Variants in MSRA observed in about 807,000 individuals in gnomAD.
MSRA encodes methionine sulfoxide reductase A, also known as mitochondrial peptide methionine sulfoxide reductase.
In MSRA, 54 loss-of-function variants were observed where a neutral mutation model predicts 31.3. The observed-to-expected ratio is 1.73, with a 90% CI of 1.39 to 2.17. MSRA has a LOEUF of 2.17. Among genes scored for constraint, MSRA ranks in the 30% most tolerant of loss-of-function variants. The probability of loss-of-function intolerance (pLI) is 0.00; values close to 1 mark genes in which losing one functional copy is unlikely to be tolerated. For missense variants in MSRA, 507 were observed against 300.9 expected, an observed-to-expected ratio of 1.69 and a Z score of -5.07; for synonymous variants, 169 against 116.5, an observed-to-expected ratio of 1.45 and a Z score of -2.90.
chr8:10,161,230 A>G (rs954812725), intron 1 of MSRA, among the ~76,000 whole-genome samples: 1 of 152,316 alleles, frequency 6.6e-6, no homozygotes, highest in South Asian at 2.1e-4. Context: ...TCCTCAGAGC[A>G]TTGCTGAGAA....
intron 1 of MSRA, among the ~76,000 whole-genome samples, chr8:10,114,748 A>G (rs1046319812): frequency 1.3e-5 from 2 of 152,210 alleles, no homozygotes; most frequent in Admixed American, 6.5e-5. Context: ...AAAATTTACT[A>G]AAGGGAAGAA....
chr8:10,203,639 A>G (rs971012527), intron 1 of MSRA, among the ~76,000 whole-genome samples: 10 of 152,266 alleles, frequency 6.6e-5, no homozygotes, highest in Non-Finnish European at 1.2e-4. Flanking sequence ...TGTATAGTAC[A>G]TAATAGTTGA....
intron 1 of MSRA, among the ~76,000 whole-genome samples, chr8:10,076,448 A>G (rs536671118): frequency 1.4e-4 from 22 of 152,340 alleles, no homozygotes; most frequent in African/African-American, 5.3e-4. Context: ...GGGTCCACCT[A>G]TGAAGCAGGA....
At chr8:10,121,669 C>T (rs569774332) in intron 1 of MSRA, among the ~76,000 whole-genome samples, 13 of 151,976 alleles carry the variant, frequency 8.6e-5, no homozygotes, top group Admixed American at 3.3e-4. Context: ...TACTCCCTCT[C>T]CCTCTCTCTT....
At chr8:10,370,441 C>G (rs368621638) in intron 5 of MSRA, among the ~76,000 whole-genome samples, 3 of 152,216 alleles carry the variant, frequency 2.0e-5, no homozygotes, top group South Asian at 2.1e-4. Context: ...GACCCAGTGC[C>G]TGAGGCTTCC....
chr8:10,297,865 G>A (rs1289831502), intron 3 of MSRA, among the ~76,000 whole-genome samples: 2 of 152,180 alleles, frequency 1.3e-5, no homozygotes, highest in Non-Finnish European at 2.9e-5. Flanking sequence ...TGTCATGAAA[G>A]AAGAGCCTAA....
chr8:10,099,956 A>T (rs1335976534), intron 1 of MSRA, among the ~76,000 whole-genome samples: 1 of 152,146 alleles, frequency 6.6e-6, no homozygotes, highest in African/African-American at 2.4e-5. Context: ...CAGTGAGTTT[A>T]AAGTGTTTCT....
intron 1 of MSRA, among the ~76,000 whole-genome samples, chr8:10,070,979 G>A (rs1797704598): frequency 6.6e-6 from 1 of 152,184 alleles, no homozygotes. Flanking sequence ...AGGTTTTTGT[G>A]TGAACATAAG....
chr8:10,229,949 G>T (rs1378298963), intron 2 of MSRA, among the ~76,000 whole-genome samples: 1 of 152,174 alleles, frequency 6.6e-6, no homozygotes, highest in East Asian at 1.9e-4. Context: ...CAATGGATGG[G>T]CTGAATTCTC....
At chr8:10,427,523 A>G (rs1030006970) in intron 5 of MSRA, among the ~76,000 whole-genome samples, 2 of 152,268 alleles carry the variant, frequency 1.3e-5, no homozygotes, top group South Asian at 4.2e-4. Context: ...TTCAGAGTAC[A>G]GACCCCAAGC....
intron 1 of MSRA, among the ~76,000 whole-genome samples, chr8:10,075,743 A>G (rs962020691): frequency 3.3e-5 from 5 of 152,230 alleles, no homozygotes; most frequent in African/African-American, 1.2e-4. Context: ...CAGTCCCGGC[A>G]TAACTGCTAC....
At chr8:10,422,417 C>A (rs956806616) in intron 5 of MSRA, among the ~76,000 whole-genome samples, 2 of 152,166 alleles carry the variant, frequency 1.3e-5, no homozygotes, top group Non-Finnish European at 2.9e-5. Context: ...AAAATGACAA[C>A]AGAAGGAAGG....
intron 5 of MSRA, among the ~76,000 whole-genome samples, chr8:10,400,573 C>A (rs757468901): frequency 5.3e-5 from 8 of 152,108 alleles, no homozygotes; most frequent in African/African-American, 9.7e-5. Flanking sequence ...GGGGCTGCTG[C>A]CTTGAGGCTG....
intron 2 of MSRA, among the ~76,000 whole-genome samples, chr8:10,213,211 C>A (rs1411799849): frequency 6.6e-6 from 1 of 152,100 alleles, no homozygotes; most frequent in Non-Finnish European, 1.5e-5. Flanking sequence ...CCCTTCCCAG[C>A]CTTTGGTAAC....
chr8:10,392,890 C>CAAAAAAAAAAAAAAAA (rs869085304), intron 5 of MSRA, among the ~76,000 whole-genome samples: 1 of 113,276 alleles, frequency 8.8e-6, no homozygotes, highest in African/African-American at 3.9e-5. Flanking sequence ...ACTAAAAATG[C>CAAAAAAAAAAAAAAAA]AAAAAAAAAA....
At chr8:10,131,849 C>A (rs1221895356) in intron 1 of MSRA, among the ~76,000 whole-genome samples, 2 of 152,196 alleles carry the variant, frequency 1.3e-5, no homozygotes. Context: ...GAAGTATAAT[C>A]CCCAAATCTC....
chr8:10,377,908 G>A (rs551464615), intron 5 of MSRA, among the ~76,000 whole-genome samples: 4 of 152,300 alleles, frequency 2.6e-5, no homozygotes, highest in Admixed American at 1.3e-4. Flanking sequence ...GCAGGCCCCC[G>A]TGATCCAGGA....
chr8:10,140,146 G>A (rs948688474), intron 1 of MSRA, among the ~76,000 whole-genome samples: 17 of 152,196 alleles, frequency 1.1e-4, no homozygotes, highest in African/African-American at 4.1e-4. Context: ...AGACAAAGGA[G>A]GAGTGAGCTA....
intron 5 of MSRA, among the ~76,000 whole-genome samples, chr8:10,324,442 G>A (rs910894600): frequency 1.3e-5 from 2 of 152,040 alleles, no homozygotes; most frequent in East Asian, 1.9e-4. Context: ...AACATGGGAC[G>A]GCCACGGAAC....
Sources: gnomAD v4.1 joint callset for allele counts (sites outside exome capture counted in the v4.1 genomes callset) on GRCh38, gnomAD v4.1.1 for gene constraint, MANE v1.5 for transcripts, NCBI Gene and HGNC (gene_info 2026-07-23, HGNC 2026-07-21) for gene names.